CTNNA2: variants seen among roughly 807,000 people sequenced by gnomAD.
The protein encoded by CTNNA2 is catenin alpha 2, also known as catenin alpha-2.
Under a neutral mutation model 101.0 loss-of-function variants are expected in CTNNA2, and 42 were observed. The observed-to-expected ratio is 0.42, with a 90% CI of 0.32 to 0.54. CTNNA2 has a LOEUF of 0.54. Ranked by LOEUF, CTNNA2 falls within the 20% of genes least tolerant of loss-of-function variation. The pLI is 0.14. For missense variants in CTNNA2, 871 were observed against 1,223.1 expected (o/e 0.71, Z 4.29); for synonymous variants, 450 against 456.4 (o/e 0.99, Z 0.18).
At position 79,464,288 on chromosome 2, in the gene CTNNA2, C is replaced by G. The variant is rs140968084; in HGVS notation, c.-134-40766C>G. Reference sequence around the variant, plus strand: ...TCAGAATGATGGTTTCCAGCTTTATCCATCTCCCCGCAAAGGACATGAACT... The same window carrying G: ...TCAGAATGATGGTTTCCAGCTTTATGCATCTCCCCGCAAAGGACATGAACT... On this transcript the variant is annotated intron_variant, in intron 4 of 21. Transcript: ENST00000466387. Among the ~76,000 whole-genome samples, 1,639 of 152,226 alleles carry G rather than the reference C, an allele frequency of 0.011. 78 individuals carry two copies. In the East Asian group the frequency reaches 0.13, roughly 12 times the overall value.
chr2:79,977,209 C>T (rs73938443), intron 7 of CTNNA2, among the ~76,000 whole-genome samples: 2,455 of 132,090 alleles, frequency 0.019, 58 homozygotes, highest in African/African-American at 0.068. Context: ...CACACGTGCA[C>T]ATGCATATGC....
rs34648725 is a variant in CTNNA2 at position 80,553,062 on chromosome 2, C to CAAA, written c.1541-2618_1541-2616dup. ...TGAAACCCTGTCTTTACTAAAAAGA[C>CAAA]AAAAAAAAAAAAAAATCCAGGTGTG... On this transcript the variant is annotated intron_variant, in intron 11 of 18. Transcript: ENST00000402739. Among the ~76,000 whole-genome samples the CAAA allele has an allele frequency of 4.5e-4, 55 of 123,406 alleles. 1 individual carries two copies. Among genetic ancestry groups the CAAA allele is most frequent in the African/African-American group, 1.5e-3 (52 of 34,810 alleles). 81.0% of individuals were successfully genotyped at this position (123,406 alleles called of 152,430 possible).
intron 4 of CTNNA2, among the ~76,000 whole-genome samples, chr2:79,395,524 A>C (rs1678220559): frequency 6.6e-6 from 1 of 152,254 alleles, no homozygotes; most frequent in South Asian, 2.1e-4. Context: ...CAGAAGAGAA[A>C]ATTTTTGAAT....
chr2:79,597,459 G>A (rs1284546362), intron 1 of CTNNA2, among the ~76,000 whole-genome samples: 1 of 98,896 alleles, frequency 1.0e-5, no homozygotes, highest in East Asian at 2.6e-4. Context: ...GCGACAGAGC[G>A]GGTCTCAAAA....
At chr2:79,860,061 C>CA (rs1664964957) in intron 4 of CTNNA2, among the ~76,000 whole-genome samples, 3 of 152,142 alleles carry the variant, frequency 2.0e-5, no homozygotes, top group Non-Finnish European at 4.4e-5. Flanking sequence ...GCTGCCATTC[C>CA]TCCAGTCTGT....
At position 79,874,113 on chromosome 2, in the gene CTNNA2, C is replaced by T; in HGVS notation, c.623C>T (p.Ala208Val). ...KDPHCRDEMA[A>V]ARGALKKNAT... ...CCTCACTGTCGGGATGAGATGGCAG[C>T]CGCCCGAGGGGCTCTGAAGAAGAAT... Residue 208 changes from alanine (A) to valine (V), a missense_variant, in exon 6 of 19, where the codon GCC (alanine) becomes GTC (valine). Ala to Val is a moderately conservative substitution (Grantham distance 64, BLOSUM62 0). Transcript: ENST00000402739. The T allele has an allele frequency of 1.2e-6, 2 of 1,614,164 alleles. No homozygotes were observed. Among genetic ancestry groups the T allele is most frequent in the Non-Finnish European group, 1.7e-6 (2 of 1,180,040 alleles).
intron 4 of CTNNA2, among the ~76,000 whole-genome samples, chr2:79,504,219 GT>G (rs966170807): frequency 4.6e-5 from 7 of 150,790 alleles, no homozygotes; most frequent in African/African-American, 4.9e-5. Flanking sequence ...GTGAACTACT[GT>G]TTTTTTTTCC....
At chr2:79,438,415 C>G (rs1460981581) in intron 4 of CTNNA2, among the ~76,000 whole-genome samples, 2 of 152,166 alleles carry the variant, frequency 1.3e-5, no homozygotes, top group African/African-American at 2.4e-5. Context: ...CACTGAAAGT[C>G]CTATGAAAGA....
In CTNNA2 at chr2:80,000,832, G is replaced by A. The variant is rs539495174; in HGVS notation, c.1056+91035G>A. Among the ~76,000 whole-genome samples, 3 of 152,298 alleles carry A rather than the reference G, an allele frequency of 2.0e-5. No homozygotes were observed. In the South Asian group the frequency reaches 6.2e-4, roughly 32 times the overall value. ...AAATTGTTGAAAGAGAACTTAGGCT[G>A]AGGTTGAAGAGAAAAGGCCAACAAG... On this transcript the variant is annotated intron_variant, in intron 7 of 18. Coordinates refer to ENST00000402739, the MANE Select transcript of CTNNA2 (RefSeq NM_001282597.3).
intron 3 of CTNNA2, among the ~76,000 whole-genome samples, chr2:79,791,291 G>T (rs1278374419): frequency 6.6e-6 from 1 of 152,130 alleles, no homozygotes; most frequent in Non-Finnish European, 1.5e-5. Context: ...ATGAGATCCT[G>T]AAGCCCTAAA....
intron 2 of CTNNA2, among the ~76,000 whole-genome samples, chr2:79,206,427 C>A (rs12617733): frequency 6.6e-6 from 1 of 152,104 alleles, no homozygotes; most frequent in African/African-American, 2.4e-5. Context: ...CAGTCCTCAG[C>A]GACATTGGGG....
chr2:80,349,371 T>C (rs1157294944), intron 7 of CTNNA2, among the ~76,000 whole-genome samples: 2 of 152,148 alleles, frequency 1.3e-5, no homozygotes, highest in Admixed American at 1.3e-4. Context: ...GATTTGTTGA[T>C]TCGTTTGTGT....
chr2:80,154,451 T>A (rs912925755), intron 7 of CTNNA2, among the ~76,000 whole-genome samples: 10 of 152,238 alleles, frequency 6.6e-5, no homozygotes, highest in African/African-American at 2.4e-4. Context: ...GTTCCAGGAA[T>A]AAACCGAGCT....
At chr2:79,957,651 A>C (rs1654910362) in intron 7 of CTNNA2, among the ~76,000 whole-genome samples, 1 of 151,848 alleles carries the variant, frequency 6.6e-6, no homozygotes, top group African/African-American at 2.4e-5. Flanking sequence ...CTTTGCTCTG[A>C]CCTCTGTGTC....
intron 7 of CTNNA2, among the ~76,000 whole-genome samples, chr2:80,104,314 C>T (rs937022437): frequency 1.3e-5 from 2 of 152,158 alleles, no homozygotes; most frequent in Admixed American, 1.3e-4. Flanking sequence ...AATAAAGACT[C>T]CTGTCCCAAA....
intron 7 of CTNNA2, among the ~76,000 whole-genome samples, chr2:80,079,755 A>T (rs1418732393): frequency 6.6e-6 from 1 of 151,766 alleles, no homozygotes; most frequent in Non-Finnish European, 1.5e-5. Context: ...CGGAGCTTGC[A>T]GTGAGCCGGG....
At chr2:79,958,759 A>G (rs747921) in intron 7 of CTNNA2, among the ~76,000 whole-genome samples, 53,849 of 149,308 alleles carry the variant, frequency 0.36, 10,097 homozygotes, top group East Asian at 0.54. Context: ...TACACTTTGT[A>G]TGAAACATTG....
chr2:79,720,810 A>T (rs1384329149), intron 2 of CTNNA2, among the ~76,000 whole-genome samples: 2 of 152,116 alleles, frequency 1.3e-5, no homozygotes, highest in African/African-American at 4.8e-5. Flanking sequence ...ATATAGAATC[A>T]TATCTTCAGG....
intron 9 of CTNNA2, among the ~76,000 whole-genome samples, chr2:80,507,223 T>C (rs1688346543): frequency 6.6e-6 from 1 of 152,166 alleles, no homozygotes; most frequent in Non-Finnish European, 1.5e-5. Flanking sequence ...TGGAAATACA[T>C]GTAAAGTACT....
Sources: allele counts gnomAD v4.1 joint callset (sites outside exome capture counted in the v4.1 genomes callset), GRCh38; gene constraint gnomAD v4.1.1; transcripts MANE v1.5; gene names NCBI Gene and HGNC (gene_info 2026-07-23, HGNC 2026-07-21).